Variants in CMIP observed in about 807,000 individuals in gnomAD.
CMIP encodes c-Maf inducing protein, also known as C-Maf-inducing protein.
Under a neutral mutation model 97.3 loss-of-function variants are expected in CMIP, and 13 were observed. The observed-to-expected ratio is 0.13, with a 90% CI of 0.09 to 0.21. The LOEUF is 0.21. Among genes scored for constraint, CMIP ranks in the 10% least tolerant of loss-of-function variants. The pLI is 1.00. For synonymous variants in CMIP, 538 were observed against 436.3 expected (o/e 1.23, Z -2.91); for missense variants, 847 against 1,024.9 (o/e 0.83, Z 2.37).
At chr16:81,488,615 T>C (rs1331156467) in intron 1 of CMIP, among the ~76,000 whole-genome samples, 1 of 152,058 alleles carries the variant, frequency 6.6e-6, no homozygotes, top group East Asian at 1.9e-4. Context: ...CCCCATCCCC[T>C]CTCTGTGTGC....
chr16:81,457,781 A>G (rs977484178), intron 1 of CMIP, among the ~76,000 whole-genome samples: 1 of 152,230 alleles, frequency 6.6e-6, no homozygotes, highest in Non-Finnish European at 1.5e-5. Flanking sequence ...ACTGGCCCAC[A>G]GGAGGTCTGA....
intron 1 of CMIP, among the ~76,000 whole-genome samples, chr16:81,572,702 G>A (rs2091114823): frequency 6.6e-6 from 1 of 152,172 alleles, no homozygotes; most frequent in East Asian, 1.9e-4. Context: ...CTCCTTGATC[G>A]CTGGCCCTGC....
chr16:81,641,669 C>G (rs891117795), intron 3 of CMIP, among the ~76,000 whole-genome samples: 1 of 152,214 alleles, frequency 6.6e-6, no homozygotes, highest in Non-Finnish European at 1.5e-5. Flanking sequence ...GAGGCCACCA[C>G]CGGTGGGCAT....
intron 9 of CMIP, among the ~76,000 whole-genome samples, chr16:81,672,332 T>G (rs2092690446): frequency 6.6e-6 from 1 of 152,200 alleles, no homozygotes; most frequent in Non-Finnish European, 1.5e-5. Context: ...GGACAGATGT[T>G]TTATGCTGAA....
At chr16:81,686,891 C>G (rs1905455044) in intron 10 of CMIP, among the ~76,000 whole-genome samples, 1 of 152,162 alleles carries the variant, frequency 6.6e-6, no homozygotes. Flanking sequence ...GGTCCCGGGA[C>G]CACCCCTCTG....
intron 1 of CMIP, among the ~76,000 whole-genome samples, chr16:81,563,658 G>A (rs903521145): frequency 3.3e-5 from 5 of 152,204 alleles, no homozygotes; most frequent in African/African-American, 7.2e-5. Flanking sequence ...CATGGCAATC[G>A]GTACGCTTCT....
rs745876902 is a variant in CMIP at position 81,703,942 on chromosome 16, G to A, written c.1948G>A (p.Ala650Thr). The change falls in exon 18 of 21, where the codon GCT (alanine) becomes ACT (threonine). Residue 650 changes from alanine (A) to threonine (T), a missense_variant. This residue lies in a region of CMIP where 266 missense variants were observed against 384.2 expected (regional missense o/e 0.69). Coordinates refer to ENST00000537098, the MANE Select transcript of CMIP (RefSeq NM_198390.3). ...CCTCTCCCCCGTCTGCCCGCAGGACGCTGACTTGGCTCGTTTGCTGAGCTC... is the reference window on the plus strand; with the variant it reads ...CCTCTCCCCCGTCTGCCCGCAGGACACTGACTTGGCTCGTTTGCTGAGCTC... ...RLTLPSKSTD[A>T]DLARLLSSGS... 21 of 1,593,892 alleles carry A rather than the reference G, an allele frequency of 1.3e-5. No homozygotes were observed. The highest frequency in any genetic ancestry group is 4.5e-5 in the East Asian group (2 of 43,962).
intron 2 of CMIP, chr16:81,610,262 G>A (rs1318291366): frequency 3.1e-6 from 3 of 971,560 alleles, no homozygotes; most frequent in Non-Finnish European, 3.7e-6. Flanking sequence ...GTGATGACTC[G>A]CCTGGCCGCC....
At chr16:81,567,414 C>T (rs1241571297) in intron 1 of CMIP, among the ~76,000 whole-genome samples, 10 of 152,338 alleles carry the variant, frequency 6.6e-5, no homozygotes, top group South Asian at 2.1e-4. Context: ...TCACCTTCCC[C>T]GGGCCCAGGA....
At chr16:81,457,717 T>C (rs894308646) in intron 1 of CMIP, among the ~76,000 whole-genome samples, 1 of 152,242 alleles carries the variant, frequency 6.6e-6, no homozygotes, top group Non-Finnish European at 1.5e-5. Flanking sequence ...CGGGCTGGCA[T>C]GTGACAGAGC....
chr16:81,641,591 G>A (rs978414207), intron 3 of CMIP, among the ~76,000 whole-genome samples: 4 of 152,162 alleles, frequency 2.6e-5, no homozygotes, highest in East Asian at 1.9e-4. Flanking sequence ...AGCCGATGCC[G>A]CAGAGACAGT....
chr16:81,625,995 AG>A (rs1437621655), intron 3 of CMIP, among the ~76,000 whole-genome samples: 1 of 152,228 alleles, frequency 6.6e-6, no homozygotes, highest in Non-Finnish European at 1.5e-5. Flanking sequence ...CCAGGGCCAG[AG>A]GAGTGCCCTT....
chr16:81,642,088 G>A (rs1159696717), intron 3 of CMIP, among the ~76,000 whole-genome samples: 3 of 152,280 alleles, frequency 2.0e-5, no homozygotes, highest in Non-Finnish European at 4.4e-5. Context: ...CCTATGGAGT[G>A]CCCTTCAGAA....
intron 1 of CMIP, 122 bp from the exon 2 acceptor site, chr16:81,607,445 C>T: frequency 7.8e-7 from 1 of 1,280,530 alleles, no homozygotes; most frequent in Non-Finnish European, 1.1e-6. Flanking sequence ...GTGCTGAGCT[C>T]CTGCACCAGC....
At chr16:81,456,187 C>A (rs1199820046) in intron 1 of CMIP, among the ~76,000 whole-genome samples, 1 of 152,224 alleles carries the variant, frequency 6.6e-6, no homozygotes, top group East Asian at 1.9e-4. Context: ...CCCAGCAGGG[C>A]CAGACAGAGC....
chr16:81,606,173 GGAGTCAGATGGCC>G (rs1240348697), intron 1 of CMIP, among the ~76,000 whole-genome samples: 52 of 152,180 alleles, frequency 3.4e-4, no homozygotes, highest in Non-Finnish European at 2.5e-4. Context: ...TTCTGATTCC[GGAGTCAGATGGCC>G]GAGTTCAGTC....
chr16:81,690,706 C>A (rs1206163185), intron 10 of CMIP, among the ~76,000 whole-genome samples: 2 of 152,234 alleles, frequency 1.3e-5, no homozygotes, highest in African/African-American at 4.8e-5. Flanking sequence ...AGGCAGATCA[C>A]CTGAGGCCAG....
At chr16:81,640,030 C>T (rs2150986875) in intron 3 of CMIP, among the ~76,000 whole-genome samples, 1 of 152,228 alleles carries the variant, frequency 6.6e-6, no homozygotes, top group African/African-American at 2.4e-5. Flanking sequence ...CCCCATGGCT[C>T]CTCTTTGCCA....
intron 10 of CMIP, among the ~76,000 whole-genome samples, chr16:81,690,644 C>T (rs1305469922): frequency 6.6e-6 from 1 of 152,002 alleles, no homozygotes; most frequent in African/African-American, 2.4e-5. Flanking sequence ...GCTGGGATTA[C>T]AGGCGTGAGC....
Sources: allele counts gnomAD v4.1 joint callset (sites outside exome capture counted in the v4.1 genomes callset), GRCh38; gene constraint gnomAD v4.1.1; regional missense constraint gnomAD v4.1.1; transcripts MANE v1.5; gene names NCBI Gene and HGNC (gene_info 2026-07-23, HGNC 2026-07-21).